Variants in ASH1L observed in about 807,000 individuals in gnomAD.
The protein encoded by ASH1L is ASH1 like histone lysine methyltransferase.
In ASH1L, 23 loss-of-function variants were observed where a neutral mutation model predicts 269.0. The ratio of observed to expected loss-of-function variants is 0.09; its 90% CI spans 0.06 to 0.12. The LOEUF is 0.12. Among genes scored for constraint, ASH1L ranks in the 10% least tolerant of loss-of-function variants. ASH1L has a pLI of 1.00. For synonymous variants in ASH1L, 1,187 were observed against 1,253.5 expected, an observed-to-expected ratio of 0.95 and a Z score of 1.12; for missense variants, 2,912 against 3,567.8, an observed-to-expected ratio of 0.82 and a Z score of 4.68.
chr1:155,340,914 C>T (rs1304153449), intron 25 of ASH1L, among the ~76,000 whole-genome samples: 3 of 151,654 alleles, frequency 2.0e-5, no homozygotes, highest in Non-Finnish European at 2.9e-5. Flanking sequence ...AGATTACACA[C>T]GTGAGCCACC....
intron 2 of ASH1L, among the ~76,000 whole-genome samples, chr1:155,516,727 C>A (rs899906286): frequency 6.6e-5 from 10 of 151,910 alleles, no homozygotes; most frequent in Admixed American, 2.6e-4. Context: ...AATGCCACTG[C>A]CCCTCCAGCA....
chr1:155,454,537 G>A (rs766780886), intron 4 of ASH1L, among the ~76,000 whole-genome samples: 10 of 152,172 alleles, frequency 6.6e-5, no homozygotes, highest in African/African-American at 2.4e-4. Context: ...GGAGGCCGAG[G>A]TGGGCTGATT....
At chr1:155,444,517 G>A (rs930663766) in intron 4 of ASH1L, among the ~76,000 whole-genome samples, 1 of 152,116 alleles carries the variant, frequency 6.6e-6, no homozygotes, top group African/African-American at 2.4e-5. Context: ...CAATTCATAT[G>A]CATTCTTTTG....
At chr1:155,440,627 C>G (rs987874230) in intron 4 of ASH1L, 1 of 491,962 alleles carries the variant, frequency 2.0e-6, no homozygotes, top group African/African-American at 2.1e-5. Flanking sequence ...TGACCCCTTC[C>G]TTTTCTCCAA....
intron 12 of ASH1L, 168 bp downstream of exon 12, chr1:155,370,336 A>T: frequency 6.6e-6 from 5 of 756,470 alleles, no homozygotes; most frequent in Non-Finnish European, 8.7e-6. Flanking sequence ...TGGGAGTGAG[A>T]AGTTAGGGTG....
intron 2 of ASH1L, among the ~76,000 whole-genome samples, chr1:155,490,364 C>T (rs986721535): frequency 2.0e-4 from 30 of 151,448 alleles, no homozygotes; most frequent in African/African-American, 7.3e-4. Context: ...GTAATCCTTG[C>T]ACTTTGGAAG....
At chr1:155,543,023 G>A (rs116019238) in intron 1 of ASH1L, among the ~76,000 whole-genome samples, 140 of 151,634 alleles carry the variant, frequency 9.2e-4, no homozygotes, top group African/African-American at 3.1e-3. Context: ...ATATTTTAAC[G>A]GCACTGTGTG....
Position 155,477,903 on chromosome 1 carries a change from G to A in ASH1L, c.4967C>T (p.Ala1656Val), listed in dbSNP as rs1665678927. The change falls in exon 3 of 28, where the codon GCA (alanine) becomes GTA (valine). Residue 1656 changes from alanine (A) to valine (V), a missense_variant. Physicochemically the swap from Ala to Val is moderately conservative, Grantham distance 64 (BLOSUM62 0). Transcript: ENST00000392403. ...CCTCTTACCTGCCAAAGTCTGTACT[G>A]CCCTTTCGTTAGAAGGCAGTGACTC... ...RKESLPSNER[A>V]VQTLAGSQPT... 1 of 1,612,034 alleles carries A rather than the reference G, an allele frequency of 6.2e-7. No homozygotes were observed. The highest frequency in any genetic ancestry group is 8.5e-7 in the Non-Finnish European group (1 of 1,178,370).
chr1:155,552,334 C>T (rs1354961445), intron 1 of ASH1L, among the ~76,000 whole-genome samples: 9 of 152,178 alleles, frequency 5.9e-5, no homozygotes, highest in South Asian at 2.1e-4. Context: ...AGCGTGGTGG[C>T]GCATGCCTGT....
intron 1 of ASH1L, among the ~76,000 whole-genome samples, chr1:155,539,929 T>G (rs1459402933): frequency 1.3e-5 from 2 of 152,012 alleles, no homozygotes; most frequent in Non-Finnish European, 1.5e-5. Flanking sequence ...CAGCTAGGTG[T>G]TGTGGCACAC....
At chr1:155,514,875 A>G (rs908182146) in intron 2 of ASH1L, among the ~76,000 whole-genome samples, 2 of 152,078 alleles carry the variant, frequency 1.3e-5, no homozygotes, top group African/African-American at 4.8e-5. Flanking sequence ...ACCATTCTAC[A>G]GTCATTCGGC....
chr1:155,400,703 G>A (rs1432149975), intron 6 of ASH1L, among the ~76,000 whole-genome samples: 1 of 152,140 alleles, frequency 6.6e-6, no homozygotes, highest in Non-Finnish European at 1.5e-5. Flanking sequence ...TCCTAAAGAT[G>A]TTAACATTTC....
chr1:155,463,275 A>C (rs750328089), intron 3 of ASH1L, among the ~76,000 whole-genome samples: 4 of 151,902 alleles, frequency 2.6e-5, no homozygotes, highest in Non-Finnish European at 5.9e-5. Flanking sequence ...TGGACTATGG[A>C]GTAAAGCATC....
At chr1:155,525,648 T>C (rs999579720) in intron 1 of ASH1L, among the ~76,000 whole-genome samples, 7 of 152,092 alleles carry the variant, frequency 4.6e-5, no homozygotes, top group African/African-American at 1.7e-4. Flanking sequence ...ATTTGGGTAA[T>C]GGATTCTAGA....
intron 1 of ASH1L, among the ~76,000 whole-genome samples, chr1:155,551,067 C>CA (rs1671166177): frequency 6.6e-6 from 1 of 152,102 alleles, no homozygotes; most frequent in African/African-American, 2.4e-5. Flanking sequence ...GCAATCCCCC[C>CA]ACCTCAGCCT....
chr1:155,493,170 C>T (rs1278768579), intron 2 of ASH1L, among the ~76,000 whole-genome samples: 1 of 152,156 alleles, frequency 6.6e-6, no homozygotes, highest in East Asian at 1.9e-4. Flanking sequence ...ACTATAGTTA[C>T]AGAATTGTGC....
At chr1:155,411,844 G>C (rs900623802) in intron 6 of ASH1L, among the ~76,000 whole-genome samples, 2 of 151,338 alleles carry the variant, frequency 1.3e-5, no homozygotes, top group African/African-American at 4.9e-5. Flanking sequence ...GTGACACAGA[G>C]AGGCCAAGAA....
intron 10 of ASH1L, among the ~76,000 whole-genome samples, chr1:155,374,681 A>T (rs1431199328): frequency 6.6e-6 from 1 of 152,106 alleles, no homozygotes; most frequent in Admixed American, 6.6e-5. Flanking sequence ...TGGATTTCCC[A>T]CCTTGCCAAT....
intron 4 of ASH1L, among the ~76,000 whole-genome samples, chr1:155,453,845 G>A (rs1364634371): frequency 2.6e-5 from 4 of 152,088 alleles, no homozygotes; most frequent in Admixed American, 2.6e-4. Flanking sequence ...GCTCACGCCT[G>A]TAATCCCAGC....
Sources: gnomAD v4.1 joint callset for allele counts (sites outside exome capture counted in the v4.1 genomes callset) on GRCh38, gnomAD v4.1.1 for gene constraint, MANE v1.5 for transcripts, NCBI Gene and HGNC (gene_info 2026-07-23, HGNC 2026-07-21) for gene names.